Variants in STK38 observed in about 807,000 individuals in gnomAD.
STK38 encodes the protein serine/threonine-protein kinase 38.
Under a neutral mutation model 59.0 loss-of-function variants are expected in STK38, and 26 were observed. That is an observed-to-expected ratio of 0.44 (90% CI 0.32 to 0.61). The LOEUF (loss-of-function observed/expected upper bound fraction) is 0.61. Ranked by LOEUF, STK38 falls within the 20% of genes least tolerant of loss-of-function variation. The probability of loss-of-function intolerance (pLI) is 0.04; values close to 1 mark genes in which losing one functional copy is unlikely to be tolerated. For missense variants in STK38, 433 were observed against 566.0 expected (o/e 0.76, Z 2.38); for synonymous variants, 175 against 176.6 (o/e 0.99, Z 0.07).
chr6:36,528,453 T>G (rs1171241547), intron 2 of STK38, among the ~76,000 whole-genome samples: 1 of 152,076 alleles, frequency 6.6e-6, no homozygotes, highest in Non-Finnish European at 1.5e-5. Context: ...CAACTGGCAA[T>G]AGGAGTCAAG....
intron 2 of STK38, among the ~76,000 whole-genome samples, chr6:36,527,207 A>T (rs200569786): frequency 0.051 from 6,071 of 119,076 alleles, 373 homozygotes; most frequent in African/African-American, 0.097. Context: ...AAAAAAAAAA[A>T]ATATATGTAT....
At chr6:36,519,049 T>C (rs899355117) in intron 5 of STK38, among the ~76,000 whole-genome samples, 2 of 152,228 alleles carry the variant, frequency 1.3e-5, no homozygotes, top group Non-Finnish European at 2.9e-5. Context: ...CCTGGTCTTA[T>C]ATCTAACTTG....
intron 4 of STK38, among the ~76,000 whole-genome samples, chr6:36,523,892 G>A (rs1457227885): frequency 2.6e-5 from 4 of 152,194 alleles, no homozygotes; most frequent in Admixed American, 2.0e-4. Context: ...GAGAGGCAGT[G>A]CAGTACTGGG....
intron 5 of STK38, among the ~76,000 whole-genome samples, chr6:36,521,066 T>C (rs1303360716): frequency 6.6e-6 from 1 of 152,262 alleles, no homozygotes; most frequent in East Asian, 1.9e-4. Context: ...ATTCTTGCTT[T>C]TTAAAATATA....
chr6:36,521,607 A>G, intron 5 of STK38, 127 bp downstream of exon 5: 2 of 540,962 alleles, frequency 3.7e-6, no homozygotes, highest in Middle Eastern at 5.3e-4. Flanking sequence ...GTAGTATTAT[A>G]TATATAGTCA....
rs1268170491 is a variant in STK38 at position 36,495,034 on chromosome 6, T to A, written c.*750A>T. ...GAGGGTTTTCCACATAATCCGGGAT[T>A]TCTTGGCAATGCCCAAAGACTTTCT... On this transcript the variant is annotated 3_prime_UTR_variant, in exon 14 of 14. Coordinates refer to ENST00000229812, the MANE Select transcript of STK38 (RefSeq NM_007271.4). 6.6e-6 allele frequency: 1 copy of A among 152,544 alleles called. No homozygotes were observed. Among genetic ancestry groups the A allele is most frequent in the Non-Finnish European group, 1.5e-5 (1 of 68,062 alleles). 9.4% of individuals were successfully genotyped at this position (152,544 alleles called of 1,614,324 possible). A position where few individuals can be genotyped will look rare whatever the true frequency, so the allele number is the denominator to read the frequency against.
intron 3 of STK38, 93 bp downstream of exon 3, chr6:36,525,498 A>T: frequency 8.3e-7 from 1 of 1,200,356 alleles, no homozygotes; most frequent in Non-Finnish European, 1.2e-6. Flanking sequence ...TTGAGCCAAA[A>T]CCCTTCTCAT....
intron 9 of STK38, among the ~76,000 whole-genome samples, chr6:36,501,796 A>G (rs528089509): frequency 6.6e-6 from 1 of 152,294 alleles, no homozygotes; most frequent in South Asian, 2.1e-4. Flanking sequence ...GCCGTATGCT[A>G]TACTGTTATA....
At chr6:36,509,424 GA>G (rs1401219221) in intron 7 of STK38, among the ~76,000 whole-genome samples, 1 of 152,164 alleles carries the variant, frequency 6.6e-6, no homozygotes, top group African/African-American at 2.4e-5. Flanking sequence ...AGAAGGCTGG[GA>G]AGTTTTACAA....
intron 9 of STK38, among the ~76,000 whole-genome samples, chr6:36,504,898 CAAAAAAAAAAAA>C (rs562032331): frequency 1.4e-4 from 9 of 64,078 alleles, no homozygotes; most frequent in Admixed American, 9.1e-4. Context: ...TCCTGGCCTC[CAAAAAAAAAAAA>C]AAAAAAAAAA....
chr6:36,527,207 A>AAAAAAAAAAATATATAT (rs60162863), intron 2 of STK38, among the ~76,000 whole-genome samples: 4 of 119,352 alleles, frequency 3.4e-5, no homozygotes, highest in African/African-American at 1.4e-4. Context: ...AAAAAAAAAA[A>AAAAAAAAAAATATATAT]ATATATGTAT....
At chr6:36,546,684 C>T (rs1379852594) in intron 1 of STK38, among the ~76,000 whole-genome samples, 1 of 152,132 alleles carries the variant, frequency 6.6e-6, no homozygotes, top group Admixed American at 6.6e-5. Context: ...CCTGCCTTTT[C>T]CTGTGATTTG....
chr6:36,540,041 T>C (rs758168271), intron 2 of STK38, 31 bp downstream of exon 2: 10 of 1,612,182 alleles, frequency 6.2e-6, no homozygotes, highest in Non-Finnish European at 7.6e-6. Flanking sequence ...GCCACAACCA[T>C]GACACAATTT....
At position 36,540,103 on chromosome 6, in the gene STK38, G is replaced by A. The variant is rs772801812; in HGVS notation, c.100C>T (p.Leu34Phe). 6.2e-7 allele frequency: 1 copy of A among 1,614,008 alleles called. No individual in the cohort carries two copies. The highest frequency in any genetic ancestry group is 1.3e-5 in the African/African-American group (1 of 75,030). ...KVTLENFYSN[L>F]IAQHEEREMR... ...TCTCGTTCTTCATGTTGAGCGATAA[G>A]GTTGCTATAAAAATTCTCCAGTGTC... Residue 34 changes from leucine (L) to phenylalanine (F), a missense_variant, in exon 2 of 14, where the codon CTT (leucine) becomes TTT (phenylalanine). Physicochemically the swap from Leu to Phe is conservative, Grantham distance 22. Transcript: ENST00000229812.
intron 8 of STK38, among the ~76,000 whole-genome samples, chr6:36,506,857 G>A (rs1332972781): frequency 6.6e-6 from 1 of 152,104 alleles, no homozygotes; most frequent in Non-Finnish European, 1.5e-5. Flanking sequence ...ACACAGAGTT[G>A]TAAAAGGCAC....
At chr6:36,535,455 CACAA>C (rs759617168) in intron 2 of STK38, among the ~76,000 whole-genome samples, 3 of 151,576 alleles carry the variant, frequency 2.0e-5, no homozygotes, top group Admixed American at 6.6e-5. Flanking sequence ...GTCTCAAACA[CACAA>C]ACAAACAAGC....
In STK38 at chr6:36,495,068, T is replaced by G. The variant is rs1776667239; in HGVS notation, c.*716A>C. On this transcript the variant is annotated 3_prime_UTR_variant, in exon 14 of 14. Coordinates refer to ENST00000229812, the MANE Select transcript of STK38 (RefSeq NM_007271.4). ...ATGCCCAAAGACTTTCTGGGCCTTC[T>G]AAGAGCAACAGTGGATCAAGCTGGT... 5 of 152,622 alleles carry G rather than the reference T, an allele frequency of 3.3e-5. No homozygotes were observed. The highest frequency in any genetic ancestry group is 3.3e-4 in the Admixed American group (5 of 15,278). 9.5% of individuals were successfully genotyped at this position (152,622 alleles called of 1,614,324 possible).
chr6:36,514,020 T>G (rs1777182741), intron 7 of STK38, among the ~76,000 whole-genome samples: 1 of 151,590 alleles, frequency 6.6e-6, no homozygotes, highest in Non-Finnish European at 1.5e-5. Context: ...CTGGGTGTGG[T>G]GGCGGGCGCC....
At chr6:36,536,586 T>G (rs925556776) in intron 2 of STK38, among the ~76,000 whole-genome samples, 6 of 152,076 alleles carry the variant, frequency 3.9e-5, no homozygotes, top group South Asian at 2.1e-4. Flanking sequence ...CAGGCTGGAG[T>G]TCAGTGGTGT....
Sources: allele counts gnomAD v4.1 joint callset (sites outside exome capture counted in the v4.1 genomes callset), GRCh38; gene constraint gnomAD v4.1.1; transcripts MANE v1.5; gene names NCBI Gene and HGNC (gene_info 2026-07-23, HGNC 2026-07-21).